Variants in SPATA13 observed in about 807,000 individuals in gnomAD.
SPATA13 encodes the protein spermatogenesis associated 13.
In SPATA13, 50 loss-of-function variants were observed where a neutral mutation model predicts 104.0. That is an observed-to-expected ratio of 0.48 (90% CI 0.38 to 0.61). The LOEUF is 0.61. SPATA13 is among the 20% of genes least tolerant of loss of function. SPATA13 has a pLI of 0.00. For missense variants in SPATA13, 1,524 were observed against 1,690.6 expected (o/e 0.90, Z 1.73); for synonymous variants, 606 against 667.5 (o/e 0.91, Z 1.42).
chr13:24,082,614 A>T (rs1593317789), intron 3 of SPATA13, among the ~76,000 whole-genome samples: 1 of 151,594 alleles, frequency 6.6e-6, no homozygotes, highest in Non-Finnish European at 1.5e-5. Flanking sequence ...AGGTCAGGAG[A>T]TCGAGACCAT....
chr13:24,223,503 GC>G lies in SPATA13; in HGVS notation c.576del (p.Phe193SerfsTer34). 6.5e-7 allele frequency: 1 copy of G among 1,548,354 alleles called. No homozygotes were observed. Among genetic ancestry groups the G allele is most frequent in the Non-Finnish European group, 8.7e-7 (1 of 1,146,988 alleles). On this transcript the variant is annotated frameshift_variant, in exon 2 of 13. Coordinates refer to ENST00000382108, the MANE Select transcript of SPATA13 (RefSeq NM_001166271.3). LOFTEE classifies it high-confidence loss of function. ...CTCCGACCTCGAGGACACGGACGAT[GC>G]CTTCCAGCGGAGCACACACCGCTCC... Reference protein sequence around the residue: ...DGSDLEDTDDAFQRSTHRSRS... With the variant: ...DGSDLEDTDDXFQRSTHRSRS...
At chr13:23,981,797 A>T in intron 1 of SPATA13, among the ~76,000 whole-genome samples, 1 of 152,222 alleles carries the variant, frequency 6.6e-6, no homozygotes, top group South Asian at 2.1e-4. Flanking sequence ...TCGCCCTTTG[A>T]TCATTAAATC....
chr13:24,160,327 C>A (rs1352288120), upstream of SPATA13, among the ~76,000 whole-genome samples: 1 of 152,132 alleles, frequency 6.6e-6, no homozygotes, highest in African/African-American at 2.4e-5. Context: ...CACACTGCAA[C>A]CTCCGCCTCT....
At chr13:24,149,829 T>A (rs778604753) in intron 3 of SPATA13, among the ~76,000 whole-genome samples, 2 of 151,910 alleles carry the variant, frequency 1.3e-5, no homozygotes, top group Non-Finnish European at 2.9e-5. Flanking sequence ...TTGAACTCGG[T>A]TGTGTGGGTG....
intron 3 of SPATA13, among the ~76,000 whole-genome samples, chr13:24,103,834 C>T (rs1880348185): frequency 6.6e-6 from 1 of 152,076 alleles, no homozygotes; most frequent in Non-Finnish European, 1.5e-5. Context: ...ATTTTCATCC[C>T]TTTCAGAGTT....
At chr13:24,235,229 CA>C (rs1014491448) in intron 2 of SPATA13, among the ~76,000 whole-genome samples, 6 of 152,176 alleles carry the variant, frequency 3.9e-5, no homozygotes, top group Non-Finnish European at 4.4e-5. Context: ...GAACCTCACC[CA>C]AAGCTACTGA....
chr13:24,196,868 T>C (rs112490596), intron 1 of SPATA13, among the ~76,000 whole-genome samples: 2 of 151,840 alleles, frequency 1.3e-5, no homozygotes, highest in Non-Finnish European at 1.5e-5. Flanking sequence ...AGGAGAAGCA[T>C]GATTTCTAAC....
intron 3 of SPATA13, 92 bp downstream of exon 3, chr13:24,249,934 C>A: frequency 6.7e-7 from 1 of 1,483,128 alleles, no homozygotes. Context: ...TCTGCTTTTT[C>A]TCTCCCGTTC....
At chr13:24,209,691 G>A (rs550216983) in intron 1 of SPATA13, among the ~76,000 whole-genome samples, 153 of 152,246 alleles carry the variant, frequency 1.0e-3, no homozygotes, top group Middle Eastern at 3.4e-3. Flanking sequence ...GGTCAATTGC[G>A]TATCTTGGCT....
chr13:24,076,395 C>G (rs1879327752), intron 3 of SPATA13, among the ~76,000 whole-genome samples: 1 of 152,170 alleles, frequency 6.6e-6, no homozygotes, highest in Non-Finnish European at 1.5e-5. Context: ...ACATCTGCAA[C>G]TGGGCAAGGA....
chr13:24,054,638 A>G (rs953569913), intron 3 of SPATA13, among the ~76,000 whole-genome samples: 3 of 152,228 alleles, frequency 2.0e-5, no homozygotes, highest in Non-Finnish European at 4.4e-5. Flanking sequence ...ATAGAACTCT[A>G]AAGAGTACAG....
chr13:24,201,433 T>C (rs1236299493), intron 1 of SPATA13, among the ~76,000 whole-genome samples: 1 of 111,054 alleles, frequency 9.0e-6, no homozygotes, highest in Non-Finnish European at 1.9e-5. Flanking sequence ...AAGTCCATGG[T>C]TGACATTAGA....
chr13:24,019,511 C>T (rs1479590076), intron 3 of SPATA13, among the ~76,000 whole-genome samples: 1 of 152,198 alleles, frequency 6.6e-6, no homozygotes, highest in African/African-American at 2.4e-5. Context: ...CTTACAGATC[C>T]ATTACCTAGC....
At chr13:24,294,907 C>T (rs761549301) in intron 10 of SPATA13, 39 bp downstream of exon 10, 11 of 1,581,736 alleles carry the variant, frequency 7.0e-6, no homozygotes, top group Non-Finnish European at 8.7e-6. Context: ...ATGCCACTCG[C>T]CCTTCCCGCA....
chr13:24,004,178 C>A (rs1266877916), intron 2 of SPATA13, among the ~76,000 whole-genome samples: 1 of 152,094 alleles, frequency 6.6e-6, no homozygotes, highest in Non-Finnish European at 1.5e-5. Flanking sequence ...GCATCATGAA[C>A]CCCGAGTTTG....
intron 7 of SPATA13, 67 bp downstream of exon 7, chr13:24,287,017 C>G: frequency 7.1e-7 from 1 of 1,416,108 alleles, no homozygotes; most frequent in South Asian, 1.3e-5. Flanking sequence ...CCTGGGCTTT[C>G]TCCCCACCTC....
intron 4 of SPATA13, among the ~76,000 whole-genome samples, chr13:24,262,150 C>G (rs1874088817): frequency 6.6e-6 from 1 of 152,094 alleles, no homozygotes; most frequent in African/African-American, 2.4e-5. Context: ...GGAATTTAAT[C>G]ATAGGAAGTG....
At chr13:24,083,783 G>A (rs1371615270) in intron 3 of SPATA13, among the ~76,000 whole-genome samples, 1 of 152,168 alleles carries the variant, frequency 6.6e-6, no homozygotes, top group Non-Finnish European at 1.5e-5. Context: ...GGAGATAAGA[G>A]CAATTCCCTT....
chr13:23,982,714 C>T (rs1874958954), intron 1 of SPATA13, among the ~76,000 whole-genome samples: 1 of 152,196 alleles, frequency 6.6e-6, no homozygotes, highest in Non-Finnish European at 1.5e-5. Flanking sequence ...GAATTCACAT[C>T]ACCATTTTTT....
Sources: gnomAD v4.1 joint callset for allele counts (sites outside exome capture counted in the v4.1 genomes callset) on GRCh38, gnomAD v4.1.1 for gene constraint, MANE v1.5 for transcripts, NCBI Gene and HGNC (gene_info 2026-07-23, HGNC 2026-07-21) for gene names.